SLA2: variants seen among roughly 807,000 people sequenced by gnomAD.
SLA2 encodes src-like-adapter 2.
A neutral mutation model predicts 27.3 loss-of-function variants in SLA2; 22 were observed. The observed-to-expected ratio is 0.81, with a 90% CI of 0.58 to 1.15. The LOEUF (loss-of-function observed/expected upper bound fraction) is 1.15, where lower values mean the gene tolerates loss of function less well. SLA2 is among the 50% of genes most tolerant of loss of function. The probability of loss-of-function intolerance (pLI) is 0.00; values close to 1 mark genes in which losing one functional copy is unlikely to be tolerated. For synonymous variants in SLA2, 131 were observed against 137.8 expected, an observed-to-expected ratio of 0.95 and a Z score of 0.34; for missense variants, 304 against 322.2, an observed-to-expected ratio of 0.94 and a Z score of 0.43.
At chr20:36,616,830 C>T (rs1216222756) in intron 5 of SLA2, among the ~76,000 whole-genome samples, 1 of 152,130 alleles carries the variant, frequency 6.6e-6, no homozygotes, top group Non-Finnish European at 1.5e-5. Context: ...CAGTGGCTCA[C>T]GCCTGTAATC....
chr20:36,644,874 T>G (rs948618748), intron 1 of SLA2, among the ~76,000 whole-genome samples: 9 of 149,014 alleles, frequency 6.0e-5, no homozygotes, highest in African/African-American at 1.2e-4. Context: ...TTGTGTTTTT[T>G]TTTTTTTTTT....
rs764904690 is a variant in SLA2, at chr20:36,641,362, A to AC, written c.-28dup. On this transcript the variant is annotated 5_prime_UTR_variant, in exon 2 of 8. It removes the in-frame stop codon of an upstream open reading frame in the 5' UTR. Coordinates refer to ENST00000262866, the MANE Select transcript of SLA2 (RefSeq NM_032214.4). ...GTTCCTCAGCAGAGCACTCAGAAGC[A>AC]CATCATCGAGGGAAATCTGAAAGAG... 6.3e-7 allele frequency: 1 copy of AC among 1,596,408 alleles called. No individual in the cohort carries two copies. The highest frequency in any genetic ancestry group is 8.6e-7 in the Non-Finnish European group (1 of 1,164,192).
intron 2 of SLA2, 59 bp from the exon 3 acceptor site, chr20:36,634,648 C>G (rs2039426582): frequency 8.8e-7 from 1 of 1,140,370 alleles, no homozygotes. Flanking sequence ...CGCATGAGGT[C>G]TAGTGGAGTC....
At chr20:36,628,147 G>A (rs1202920142) in intron 5 of SLA2, among the ~76,000 whole-genome samples, 1 of 152,142 alleles carries the variant, frequency 6.6e-6, no homozygotes, top group African/African-American at 2.4e-5. Flanking sequence ...ATTCAGTTAG[G>A]TCTGCGGTAG....
intron 5 of SLA2, among the ~76,000 whole-genome samples, chr20:36,625,215 G>GGTTTTTTTT (rs1388783419): frequency 9.5e-6 from 1 of 105,706 alleles, no homozygotes; most frequent in African/African-American, 4.1e-5. Context: ...CACGTACCCT[G>GGTTTTTTTT]ATTTTTTTTT....
intron 5 of SLA2, among the ~76,000 whole-genome samples, chr20:36,631,303 C>G (rs1477039920): frequency 6.6e-6 from 1 of 152,130 alleles, no homozygotes; most frequent in East Asian, 1.9e-4. Context: ...CAGGGATGCA[C>G]CACCATGCCT....
In SLA2 at chr20:36,615,361, CAGAG is replaced by C. The variant is rs770643107; in HGVS notation, c.392_395del (p.Ser131CysfsTer77). On this transcript the variant is annotated frameshift_variant, in exon 6 of 8. Transcript: ENST00000262866. LOFTEE classifies it high-confidence loss of function. ...ATGCAGGGCGGCTGAGGCGGACTGA[CAGAG>C]AGTAAGAGCCTGAGGAGAAAGGGGT... 48 of 1,613,796 alleles carry C rather than the reference CAGAG, an allele frequency of 3.0e-5. No individual in the cohort carries two copies. The highest frequency in any genetic ancestry group is 3.4e-5 in the Non-Finnish European group (40 of 1,180,046).
At chr20:36,634,700 C>G (rs1425218166) in intron 2 of SLA2, 111 bp from the exon 3 acceptor site, 12 of 586,952 alleles carry the variant, frequency 2.0e-5, no homozygotes, top group Non-Finnish European at 3.0e-5. Flanking sequence ...CCACAAGCAC[C>G]CTGAGGGAGT....
chr20:36,633,675 G>A (rs755914969), intron 3 of SLA2, 46 bp from the exon 4 acceptor site: 19 of 1,527,420 alleles, frequency 1.2e-5, no homozygotes, highest in Non-Finnish European at 1.5e-5. Flanking sequence ...ATGAGCCAAG[G>A]CCCCGACAAC....
intron 4 of SLA2, 118 bp from the exon 5 acceptor site, chr20:36,632,816 G>A: frequency 1.3e-6 from 1 of 743,394 alleles, no homozygotes. Context: ...GGGCCTCAGA[G>A]TTCTATCTGC....
At chr20:36,623,130 A>G (rs944407929) in intron 5 of SLA2, among the ~76,000 whole-genome samples, 2 of 152,218 alleles carry the variant, frequency 1.3e-5, no homozygotes, top group South Asian at 4.1e-4. Flanking sequence ...TTAGCTGGGC[A>G]TGATGGCGTG....
In SLA2 at chr20:36,634,534, G is replaced by C; in HGVS notation, c.147C>G (p.Ala49=). The change falls in exon 3 of 8, where the codon GCC becomes GCG. Residue 49 remains alanine (A), a synonymous_variant. Transcript: ENST00000262866. ...GCTCCCCGAGTCTCAGCGACAGCTC[G>C]GCCGGGCCACCTGCCGGGAAACTGC... ...ALGSFPAGGP[A]ELSLRLGEPL... is the part of the protein sequence containing the mutation. 1 of 1,611,406 alleles carries C rather than the reference G, an allele frequency of 6.2e-7. No individual in the cohort carries two copies. The highest frequency in any genetic ancestry group is 8.5e-7 in the Non-Finnish European group (1 of 1,178,486).
At chr20:36,637,496 A>G (rs564636067) in intron 2 of SLA2, among the ~76,000 whole-genome samples, 11 of 151,910 alleles carry the variant, frequency 7.2e-5, no homozygotes, top group Non-Finnish European at 1.6e-4. Context: ...CACCCAGCCT[A>G]CCTCTAAGGT....
At chr20:36,614,728 G>T (rs1420072012) in intron 6 of SLA2, 1 of 985,318 alleles carries the variant, frequency 1.0e-6, no homozygotes, top group Admixed American at 6.1e-5. Flanking sequence ...GGAATGCTCA[G>T]TCTACTTCTA....
intron 2 of SLA2, among the ~76,000 whole-genome samples, chr20:36,634,940 G>GC (rs2147992799): frequency 6.6e-6 from 1 of 152,206 alleles, no homozygotes; most frequent in African/African-American, 2.4e-5. Context: ...AAATCCTCCA[G>GC]CCTCAGCCTC....
chr20:36,617,340 G>T (rs1030706713), intron 5 of SLA2, among the ~76,000 whole-genome samples: 14 of 151,820 alleles, frequency 9.2e-5, no homozygotes, highest in African/African-American at 3.1e-4. Flanking sequence ...ACTACAGCCT[G>T]GGCAACAGAG....
chr20:36,620,875 C>T (rs2039275137), intron 5 of SLA2: 1 of 228,020 alleles, frequency 4.4e-6, no homozygotes, highest in Non-Finnish European at 9.0e-6. Flanking sequence ...GCCAGAAATA[C>T]CACACTGTTA....
chr20:36,614,873 C>G (rs2039189578), intron 6 of SLA2: 1 of 985,372 alleles, frequency 1.0e-6, no homozygotes, highest in Non-Finnish European at 1.2e-6. Context: ...GGACAGGCAC[C>G]AGGAAGTACT....
intron 1 of SLA2, among the ~76,000 whole-genome samples, chr20:36,643,955 C>T (rs1007599677): frequency 6.6e-6 from 1 of 151,810 alleles, no homozygotes; most frequent in Non-Finnish European, 1.5e-5. Context: ...CTGTACCCCC[C>T]TCCCGCCCCA....
Sources: allele counts gnomAD v4.1 joint callset (sites outside exome capture counted in the v4.1 genomes callset), GRCh38; gene constraint gnomAD v4.1.1; transcripts MANE v1.5; gene names NCBI Gene and HGNC (gene_info 2026-07-23, HGNC 2026-07-21).